The following PDE7A variants were observed in gnomAD, a reference collection of about 807,000 sequenced individuals.
The protein encoded by PDE7A is high affinity 3',5'-cyclic-AMP phosphodiesterase 7A.
In PDE7A, 39 loss-of-function variants were observed where a neutral mutation model predicts 64.3. That is an observed-to-expected ratio of 0.61 (90% CI 0.47 to 0.79). The LOEUF (loss-of-function observed/expected upper bound fraction) is 0.79. PDE7A is among the 30% of genes least tolerant of loss of function. The pLI is 0.00. For synonymous variants in PDE7A, 203 were observed against 206.8 expected (o/e 0.98, Z 0.16); for missense variants, 470 against 582.8 (o/e 0.81, Z 1.99).
chr8:65,802,021 C>T (rs1332393836), intron 1 of PDE7A, among the ~76,000 whole-genome samples: 1 of 152,152 alleles, frequency 6.6e-6, no homozygotes, highest in Non-Finnish European at 1.5e-5. Context: ...GTACATGGTA[C>T]TTCTTGTTCG....
chr8:65,723,310 A>T (rs914447467), intron 12 of PDE7A: 5 of 289,618 alleles, frequency 1.7e-5, no homozygotes, highest in Admixed American at 5.2e-5. Flanking sequence ...ACATAAGAAC[A>T]GAAACAAGTT....
rs570069978 is a variant in PDE7A, at chr8:65,799,091, C to G, written c.139-16248G>C. 8.2e-4 allele frequency among the ~76,000 whole-genome samples: 124 copies of G among 152,122 alleles called. 2 individuals carry two copies. Among genetic ancestry groups the G allele is most frequent in the Non-Finnish European group, 1.5e-3 (100 of 67,976 alleles). ...GATCAGTGGTTGTCTGGGGCAGGGG[C>G]TGGGGGGAACCTATGGCAAAGGGCC... is the stretch of plus-strand genomic sequence containing the variant. On this transcript the variant is annotated intron_variant, in intron 1 of 12. Transcript: ENST00000401827.
chr8:65,725,693 T>C (rs754343169), intron 9 of PDE7A: 10 of 152,090 alleles, frequency 6.6e-5, no homozygotes, highest in Non-Finnish European at 1.3e-4. Flanking sequence ...ACTCACAATA[T>C]TGAATGTTAA....
intron 1 of PDE7A, among the ~76,000 whole-genome samples, chr8:65,820,971 T>C (rs768000203): frequency 2.6e-4 from 40 of 152,190 alleles, no homozygotes; most frequent in Non-Finnish European, 5.1e-4. Context: ...GAAATTTTTA[T>C]CCTATTGACT....
At chr8:65,736,466 C>T (rs1807130569) in intron 6 of PDE7A, among the ~76,000 whole-genome samples, 1 of 152,140 alleles carries the variant, frequency 6.6e-6, no homozygotes, top group Non-Finnish European at 1.5e-5. Context: ...TAAAAAGTTT[C>T]TCAAGGCCAG....
In PDE7A at chr8:65,724,322, G is replaced by A. The variant is rs1806519767; in HGVS notation, c.1095C>T (p.Asn365=). 1 of 1,612,432 alleles carries A rather than the reference G, an allele frequency of 6.2e-7. No homozygotes were observed. The highest frequency in any genetic ancestry group is 8.5e-7 in the Non-Finnish European group (1 of 1,178,894). ...TGCTTAATTCCCACGTCCGACATGG[G>A]TTACAAATATCAGCACATTTCAAAG... ...QMALKCADIC[N]PCRTWELSKQ... is the part of the protein sequence containing the mutation. Residue 365 remains asparagine (N), a synonymous_variant, in exon 11 of 13, where the codon AAC becomes AAT. Coordinates refer to ENST00000401827, the MANE Select transcript of PDE7A (RefSeq NM_001242318.3).
rs1806235907 is a variant in PDE7A, at chr8:65,718,483, A to G, written c.*807T>C. On this transcript the variant is annotated 3_prime_UTR_variant, in exon 13 of 13. Transcript: ENST00000401827. Reference sequence around the variant, plus strand: ...GTGCAGGTCAAGTGTACAGTAGTGAAAACAACATGCAATGTCTTCACTGCA... The same window carrying G: ...GTGCAGGTCAAGTGTACAGTAGTGAGAACAACATGCAATGTCTTCACTGCA... 1 of 152,256 alleles carries G rather than the reference A, an allele frequency of 6.6e-6. No individual in the cohort carries two copies. Among genetic ancestry groups the G allele is most frequent in the Non-Finnish European group, 1.5e-5 (1 of 68,056 alleles). The allele number at this position is 152,256 out of a possible 1,614,324, so 9.4% of individuals were successfully genotyped here.
chr8:65,756,051 T>G lies in PDE7A; in HGVS notation c.284-8248A>C, dbSNP rs73693403. On this transcript the variant is annotated intron_variant, in intron 3 of 12. Coordinates refer to ENST00000401827, the MANE Select transcript of PDE7A (RefSeq NM_001242318.3). ...AAATATGGAATTCGTGGTTGACAGT[T>G]TTTTGTTTTTGTTTTCAGGACTGAC... 3.6e-3 allele frequency among the ~76,000 whole-genome samples: 542 copies of G among 152,360 alleles called. 3 individuals carry two copies. Among genetic ancestry groups the G allele is most frequent in the African/African-American group, 0.012 (493 of 41,580 alleles).
Position 65,788,941 on chromosome 8 carries a change from T to C in PDE7A, c.139-6098A>G, listed in dbSNP as rs373118336. The C allele has an allele frequency of 5.6e-6, 9 of 1,612,656 alleles. No individual in the cohort carries two copies. In the African/African-American group the frequency reaches 6.7e-5, roughly 12 times the overall value. Reference sequence around the variant, plus strand: ...AGACACCAGATCAATGTAATTCCCATTGGATCAATCAAAAGCCCGCTGCAT... The same window carrying C: ...AGACACCAGATCAATGTAATTCCCACTGGATCAATCAAAAGCCCGCTGCAT... On this transcript the variant is annotated intron_variant, in intron 1 of 12. Transcript: ENST00000401827.
At chr8:65,767,981 C>T (rs534023363) in intron 3 of PDE7A, among the ~76,000 whole-genome samples, 2 of 152,064 alleles carry the variant, frequency 1.3e-5, no homozygotes, top group African/African-American at 2.4e-5. Context: ...GGCTGGGAGG[C>T]AGGTTTAGGA....
At chr8:65,791,044 C>A (rs1299211252) in intron 1 of PDE7A, among the ~76,000 whole-genome samples, 1 of 152,224 alleles carries the variant, frequency 6.6e-6, no homozygotes, top group Non-Finnish European at 1.5e-5. Context: ...ACCCTTCCCA[C>A]CTTCACATTT....
intron 3 of PDE7A, among the ~76,000 whole-genome samples, chr8:65,764,070 C>T (rs976242017): frequency 6.6e-6 from 1 of 152,082 alleles, no homozygotes; most frequent in African/African-American, 2.4e-5. Flanking sequence ...ATACATGGGG[C>T]AGAATGCTCT....
At chr8:65,819,098 T>C (rs1810479681) in intron 1 of PDE7A, among the ~76,000 whole-genome samples, 1 of 152,212 alleles carries the variant, frequency 6.6e-6, no homozygotes, top group Admixed American at 6.5e-5. Context: ...AATGGCTGCT[T>C]TACAAAAGTA....
intron 3 of PDE7A, among the ~76,000 whole-genome samples, chr8:65,778,974 A>G (rs1416794020): frequency 1.3e-5 from 2 of 152,234 alleles, no homozygotes; most frequent in Non-Finnish European, 2.9e-5. Flanking sequence ...TGTCCATAAA[A>G]AGCTCTGCCC....
intron 3 of PDE7A, 87 bp from the exon 4 acceptor site, chr8:65,747,890 G>T: frequency 1.5e-6 from 1 of 670,696 alleles, no homozygotes; most frequent in Non-Finnish European, 2.4e-6. Flanking sequence ...TTATGTACAA[G>T]TATTTTTAAA....
chr8:65,812,037 T>C (rs1387775626), intron 1 of PDE7A, among the ~76,000 whole-genome samples: 1 of 150,326 alleles, frequency 6.7e-6, no homozygotes, highest in Non-Finnish European at 1.5e-5. Flanking sequence ...CAAAACCCCA[T>C]CTCTACAAAA....
intron 1 of PDE7A, among the ~76,000 whole-genome samples, chr8:65,835,394 G>A (rs1810926170): frequency 6.6e-6 from 1 of 152,200 alleles, no homozygotes; most frequent in African/African-American, 2.4e-5. Context: ...AAGAGGGCCT[G>A]CATGCAATAA....
rs1307874009 is a variant in PDE7A, at chr8:65,715,255, G to A, written c.*4035C>T. Among the ~76,000 whole-genome samples, 5 of 152,062 alleles carry A rather than the reference G, an allele frequency of 3.3e-5. No homozygotes were observed. Among genetic ancestry groups the A allele is most frequent in the Non-Finnish European group, 5.9e-5 (4 of 68,022 alleles). ...AGGTCGTATTTAAGTGGAGCTATAG[G>A]CCTGATGCAGTGTCTCACACCTGTA... On this transcript the variant is annotated 3_prime_UTR_variant, in exon 13 of 13. Transcript: ENST00000401827.
At chr8:65,775,243 T>G (rs779958813) in intron 3 of PDE7A, among the ~76,000 whole-genome samples, 6 of 152,170 alleles carry the variant, frequency 3.9e-5, no homozygotes, top group Admixed American at 6.5e-5. Flanking sequence ...AGTTACAGAG[T>G]TCTACTTTTA....
Sources: allele counts gnomAD v4.1 joint callset (sites outside exome capture counted in the v4.1 genomes callset), GRCh38; gene constraint gnomAD v4.1.1; transcripts MANE v1.5; gene names NCBI Gene and HGNC (gene_info 2026-07-23, HGNC 2026-07-21).